EYS: variants seen among roughly 807,000 people sequenced by gnomAD.
The protein encoded by EYS is protein eyes shut homolog.
Under a neutral mutation model 282.1 loss-of-function variants are expected in EYS, and 250 were observed. The observed-to-expected ratio is 0.89, with a 90% CI of 0.80 to 0.98. The LOEUF (loss-of-function observed/expected upper bound fraction) is 0.98, where lower values mean the gene tolerates loss of function less well. Ranked by LOEUF, EYS falls within the 50% of genes least tolerant of loss-of-function variation. The pLI, the probability that EYS is intolerant of heterozygous loss-of-function variation, is 0.00. For missense variants in EYS, 4,016 were observed against 3,709.0 expected, an observed-to-expected ratio of 1.08 and a Z score of -2.15; for synonymous variants, 1,355 against 1,282.9, an observed-to-expected ratio of 1.06 and a Z score of -1.20.
At chr6:64,633,888 A>G (rs905302155) in intron 22 of EYS, among the ~76,000 whole-genome samples, 3 of 152,106 alleles carry the variant, frequency 2.0e-5, no homozygotes, top group Admixed American at 1.3e-4. Flanking sequence ...TCTTGAGTGC[A>G]ACCTCCTGAA....
At chr6:65,604,624 C>A (rs1765721091) in intron 2 of EYS, among the ~76,000 whole-genome samples, 1 of 151,814 alleles carries the variant, frequency 6.6e-6, no homozygotes, top group Non-Finnish European at 1.5e-5. Context: ...TAAATTTGAA[C>A]TCTAGTTAAT....
rs189804969 is a variant in EYS at position 65,571,727 on chromosome 6, G to A, written c.-333+68051C>T. Among the ~76,000 whole-genome samples, 75 of 152,046 alleles carry A rather than the reference G, an allele frequency of 4.9e-4. 1 individual carries two copies. Among genetic ancestry groups the A allele is most frequent in the Admixed American group, 4.8e-3 (73 of 15,262 alleles). The stretch of plus-strand genomic sequence containing the variant: ...TTTTTCAAATGCTTTTGATAAAAAT[G>A]TATAATGCCCAAGTTCAGTCTATAT... On this transcript the variant is annotated intron_variant, in intron 2 of 42. Coordinates refer to ENST00000503581, the MANE Select transcript of EYS (RefSeq NM_001142800.2).
intron 12 of EYS, among the ~76,000 whole-genome samples, chr6:65,091,507 G>T (rs140907247): frequency 1.4e-4 from 20 of 148,074 alleles, no homozygotes; most frequent in African/African-American, 5.0e-4. Context: ...ATAAAAAGAA[G>T]TTAGATAATT....
intron 29 of EYS, among the ~76,000 whole-genome samples, chr6:64,313,829 T>C (rs551992893): frequency 6.6e-6 from 1 of 152,214 alleles, no homozygotes; most frequent in Non-Finnish European, 1.5e-5. Flanking sequence ...AGAGATTTTG[T>C]CACCACCAAG....
chr6:63,804,127 A>G (rs1198344154), intron 37 of EYS, among the ~76,000 whole-genome samples: 1 of 151,930 alleles, frequency 6.6e-6, no homozygotes, highest in Admixed American at 6.6e-5. Context: ...AGCGATTCTC[A>G]TGCCTCAGCC....
rs184922239 is a variant in EYS at position 64,393,057 on chromosome 6, T to C, written c.5928-4217A>G. ...AGAAATGGATAAATTCCTCGACACA[T>C]ACACTCTCCCAAGACTAAACCAGGA... On this transcript the variant is annotated intron_variant, in intron 28 of 42. Coordinates refer to ENST00000503581, the MANE Select transcript of EYS (RefSeq NM_001142800.2). Among the ~76,000 whole-genome samples, 578 of 152,218 alleles carry C rather than the reference T, an allele frequency of 3.8e-3. 4 individuals carry two copies. Among genetic ancestry groups the C allele is most frequent in the African/African-American group, 0.013 (536 of 41,528 alleles).
intron 35 of EYS, among the ~76,000 whole-genome samples, chr6:63,938,207 T>A (rs1765129885): frequency 6.6e-6 from 1 of 152,188 alleles, no homozygotes; most frequent in Non-Finnish European, 1.5e-5. Context: ...GCTACAGGAA[T>A]AACGCATATT....
intron 7 of EYS, among the ~76,000 whole-genome samples, chr6:65,393,958 C>T (rs1406738845): frequency 6.6e-6 from 1 of 152,044 alleles, no homozygotes; most frequent in African/African-American, 2.4e-5. Context: ...TATATCACAA[C>T]ATTTCTGATT....
intron 29 of EYS, among the ~76,000 whole-genome samples, chr6:64,320,436 C>G (rs1770172266): frequency 6.6e-6 from 1 of 151,652 alleles, no homozygotes; most frequent in African/African-American, 2.4e-5. Flanking sequence ...GTTTAATGGT[C>G]TTTTATTCTG....
chr6:65,638,273 T>G (rs1767159822), intron 2 of EYS, among the ~76,000 whole-genome samples: 1 of 152,134 alleles, frequency 6.6e-6, no homozygotes, highest in African/African-American at 2.4e-5. Context: ...TGTTGCTCAG[T>G]AAAGCTCCTC....
intron 35 of EYS, among the ~76,000 whole-genome samples, chr6:63,979,764 AT>A (rs1767003408): frequency 1.3e-5 from 2 of 151,886 alleles, no homozygotes; most frequent in Admixed American, 1.3e-4. Context: ...TCTAAACTGA[AT>A]TTCACTACAT....
At chr6:64,544,794 A>C (rs961889783) in intron 26 of EYS, among the ~76,000 whole-genome samples, 1 of 152,212 alleles carries the variant, frequency 6.6e-6, no homozygotes, top group Non-Finnish European at 1.5e-5. Context: ...ATTCTTCAAC[A>C]CATACACCCT....
chr6:64,101,204 G>T (rs1352617702), intron 31 of EYS, among the ~76,000 whole-genome samples: 2 of 140,722 alleles, frequency 1.4e-5, no homozygotes, highest in South Asian at 2.3e-4. Context: ...CATTTTAATA[G>T]ATTTTTTTTT....
chr6:64,565,228 G>GTTT (rs1442148759), intron 26 of EYS, among the ~76,000 whole-genome samples: 2 of 151,904 alleles, frequency 1.3e-5, no homozygotes, highest in Non-Finnish European at 2.9e-5. Context: ...TGTTGCTTGT[G>GTTT]TTTTTTGATG....
In EYS at chr6:65,418,632, G is replaced by A. The variant is rs191322769; in HGVS notation, c.863-13265C>T. Among the ~76,000 whole-genome samples, 170 of 152,058 alleles carry A rather than the reference G, an allele frequency of 1.1e-3. 1 individual carries two copies. Among genetic ancestry groups the A allele is most frequent in the Middle Eastern group, 3.4e-3 (1 of 294 alleles). On this transcript the variant is annotated intron_variant, in intron 5 of 42. Transcript: ENST00000503581. ...CCTTAGCAAACTAACACAGGAGCAG[G>A]AAACCAAACACCACATGTTTTCACT...
chr6:64,807,340 C>T (rs1218123795), intron 22 of EYS, among the ~76,000 whole-genome samples: 1 of 152,042 alleles, frequency 6.6e-6, no homozygotes, highest in African/African-American at 2.4e-5. Flanking sequence ...GTGACTTCAG[C>T]TTTGATGACT....
chr6:63,747,964 G>A (rs1769250885), intron 41 of EYS, among the ~76,000 whole-genome samples: 1 of 152,102 alleles, frequency 6.6e-6, no homozygotes, highest in Non-Finnish European at 1.5e-5. Context: ...GGTTAATATT[G>A]TTATTTGTGA....
chr6:63,962,216 A>G (rs1199508066), intron 35 of EYS, among the ~76,000 whole-genome samples: 1 of 152,232 alleles, frequency 6.6e-6, no homozygotes, highest in African/African-American at 2.4e-5. Context: ...CTTCATGTCT[A>G]AAACACCAAA....
At chr6:63,934,899 TA>T (rs1372598330) in intron 35 of EYS, among the ~76,000 whole-genome samples, 10 of 151,262 alleles carry the variant, frequency 6.6e-5, no homozygotes, top group Admixed American at 1.3e-4. Context: ...TAAATTATAA[TA>T]AAAAAATAAA....
Sources: gnomAD v4.1 joint callset for allele counts (sites outside exome capture counted in the v4.1 genomes callset) on GRCh38, gnomAD v4.1.1 for gene constraint, MANE v1.5 for transcripts, NCBI Gene and HGNC (gene_info 2026-07-23, HGNC 2026-07-21) for gene names.